FRMPD4: variants seen among roughly 807,000 people sequenced by gnomAD.
FRMPD4 encodes FERM and PDZ domain containing 4.
Under a neutral mutation model 94.1 loss-of-function variants are expected in FRMPD4, and 22 were observed. The ratio of observed to expected loss-of-function variants is 0.23; its 90% CI spans 0.17 to 0.33. The LOEUF (loss-of-function observed/expected upper bound fraction) is 0.33, where lower values mean the gene tolerates loss of function less well. Among genes scored for constraint, FRMPD4 ranks in the 10% least tolerant of loss-of-function variants. The pLI, the probability that FRMPD4 is intolerant of heterozygous loss-of-function variation, is 1.00. For synonymous variants in FRMPD4, 631 were observed against 548.6 expected, an observed-to-expected ratio of 1.15 and a Z score of -2.10; for missense variants, 1,111 against 1,339.9, an observed-to-expected ratio of 0.83 and a Z score of 2.67.
intron 3 of FRMPD4, among the ~76,000 whole-genome samples, chrX:11,952,272 A>G (rs2054228566): frequency 8.9e-6 from 1 of 111,994 alleles, no homozygotes. Flanking sequence ...CTTTAGAGGA[A>G]TAACAAGAAG....
At chrX:12,263,015 G>C (rs999806135) in intron 1 of FRMPD4, among the ~76,000 whole-genome samples, 1 of 111,538 alleles carries the variant, frequency 9.0e-6, no homozygotes, top group African/African-American at 3.3e-5. Flanking sequence ...GAAGACCTAG[G>C]AGCCTTATTT....
chrX:11,898,216 C>T (rs1228047827), intron 3 of FRMPD4, among the ~76,000 whole-genome samples: 1 of 110,693 alleles, frequency 9.0e-6, no homozygotes, highest in Non-Finnish European at 1.9e-5. Flanking sequence ...TTGGCTTTTC[C>T]TCTGAGATGG....
chrX:12,159,205 A>C (rs1330703358), intron 1 of FRMPD4, among the ~76,000 whole-genome samples: 2 of 112,453 alleles, frequency 1.8e-5, no homozygotes, highest in East Asian at 5.5e-4. Context: ...AGTCTTCAGC[A>C]TGCAGCTTCA....
chrX:12,706,304 C>T (rs1485362650), intron 11 of FRMPD4, among the ~76,000 whole-genome samples: 1 of 111,912 alleles, frequency 8.9e-6, no homozygotes, highest in Non-Finnish European at 1.9e-5. Flanking sequence ...CCCCCGAAAA[C>T]TTGCAAGGAC....
intron 2 of FRMPD4, among the ~76,000 whole-genome samples, chrX:12,517,209 A>G (rs1298255072): frequency 1.8e-5 from 2 of 111,059 alleles, no homozygotes; most frequent in African/African-American, 6.6e-5. Flanking sequence ...ACTTCTGTCA[A>G]TTCATCCATC....
At chrX:12,017,429 T>C (rs1342763023) in intron 3 of FRMPD4, among the ~76,000 whole-genome samples, 1 of 112,408 alleles carries the variant, frequency 8.9e-6, no homozygotes. Flanking sequence ...GTAAGCTCAG[T>C]TTCAGATGTC....
intron 1 of FRMPD4, among the ~76,000 whole-genome samples, chrX:12,294,142 G>A (rs2054732920): frequency 9.0e-6 from 1 of 111,265 alleles, no homozygotes; most frequent in African/African-American, 3.3e-5. Context: ...CTGCTGCAAG[G>A]AGGCGTCGTT....
At chrX:12,113,244 A>G (rs1281477265) in intron 3 of FRMPD4, among the ~76,000 whole-genome samples, 1 of 112,301 alleles carries the variant, frequency 8.9e-6, no homozygotes, top group Non-Finnish European at 1.9e-5. Flanking sequence ...CGATTAAACT[A>G]ACTGGAAGTT....
chrX:12,039,736 G>A (rs1195072131), intron 3 of FRMPD4, among the ~76,000 whole-genome samples: 1 of 110,162 alleles, frequency 9.1e-6, no homozygotes. Flanking sequence ...TTGGGAGGCC[G>A]AGGTGGGTGG....
At chrX:12,452,927 C>T (rs528155991) in intron 1 of FRMPD4, among the ~76,000 whole-genome samples, 3 of 112,155 alleles carry the variant, frequency 2.7e-5, no homozygotes, top group African/African-American at 9.7e-5. Context: ...AAATGGCAAG[C>T]CCAGGCTTCC....
At chrX:12,496,478 G>A (rs2057850722) in intron 1 of FRMPD4, among the ~76,000 whole-genome samples, 1 of 111,562 alleles carries the variant, frequency 9.0e-6, no homozygotes, top group Admixed American at 9.5e-5. Context: ...AATTTGGGAA[G>A]TACATAAAAC....
rs372874844 is a variant in FRMPD4 at position 12,717,741 on chromosome X, C to T, written c.2915C>T (p.Ala972Val). The change falls in exon 16 of 17, where the codon GCT becomes GTT. Residue 972 changes from alanine to valine, a missense_variant. Coordinates refer to ENST00000675598, the MANE Select transcript of FRMPD4 (RefSeq NM_001368397.1). Reference protein sequence around the residue: ...GLPPKSSHALAARPATDLPPK... With the variant: ...GLPPKSSHALVARPATDLPPK... ...CCTCCAAAGTCCTCGCACGCCCTGG[C>T]TGCTAGGCCAGCAACCGACCTCCCG... 2.0e-5 allele frequency: 24 copies of T among 1,210,274 alleles called. No individual in the cohort carries two copies. Among genetic ancestry groups the T allele is most frequent in the African/African-American group, 1.7e-4 (10 of 57,365 alleles).
intron 4 of FRMPD4, among the ~76,000 whole-genome samples, chrX:12,631,565 C>A (rs1289575672): frequency 9.1e-6 from 1 of 109,645 alleles, no homozygotes; most frequent in Non-Finnish European, 1.9e-5. Context: ...CCACAACAGG[C>A]CCCGGTGTGT....
At chrX:12,164,733 T>C (rs1323862905) in intron 1 of FRMPD4, among the ~76,000 whole-genome samples, 1 of 112,258 alleles carries the variant, frequency 8.9e-6, no homozygotes, top group Non-Finnish European at 1.9e-5. Flanking sequence ...TTTCAATGAT[T>C]GCCATTCTAA....
chrX:12,440,183 G>C (rs1007795144), intron 1 of FRMPD4, among the ~76,000 whole-genome samples: 1 of 112,060 alleles, frequency 8.9e-6, no homozygotes, highest in African/African-American at 3.2e-5. Context: ...TAATGATGTA[G>C]TATAAGTATA....
At chrX:12,578,277 C>T (rs2148372644) in intron 2 of FRMPD4, among the ~76,000 whole-genome samples, 1 of 112,762 alleles carries the variant, frequency 8.9e-6, no homozygotes, top group East Asian at 2.8e-4. Flanking sequence ...GCAGTGGCAG[C>T]AGAGAGTAGG....
At chrX:12,322,981 T>C (rs139952077) in intron 1 of FRMPD4, among the ~76,000 whole-genome samples, 44 of 112,040 alleles carry the variant, frequency 3.9e-4, no homozygotes, top group African/African-American at 1.4e-3. Flanking sequence ...TCACAATCAA[T>C]AGTATCTAAA....
At chrX:12,078,093 TC>T (rs2055034922) in intron 3 of FRMPD4, among the ~76,000 whole-genome samples, 1 of 111,326 alleles carries the variant, frequency 9.0e-6, no homozygotes, top group Non-Finnish European at 1.9e-5. Context: ...AGAAGTCATC[TC>T]CTTGAGGTCG....
At chrX:12,311,865 G>A (rs1445646156) in intron 1 of FRMPD4, among the ~76,000 whole-genome samples, 1 of 111,200 alleles carries the variant, frequency 9.0e-6, no homozygotes, top group Non-Finnish European at 1.9e-5. Flanking sequence ...TCTAATTTTT[G>A]TGTTTTCTTT....
Sources: gnomAD v4.1 joint callset for allele counts (sites outside exome capture counted in the v4.1 genomes callset) on GRCh38, gnomAD v4.1.1 for gene constraint, MANE v1.5 for transcripts, NCBI Gene and HGNC (gene_info 2026-07-23, HGNC 2026-07-21) for gene names.